Variants in FGF12 observed in about 807,000 individuals in gnomAD.
The protein encoded by FGF12 is fibroblast growth factor 12, also known as fibroblast growth factor 12B.
Under a neutral mutation model 23.6 loss-of-function variants are expected in FGF12, and 14 were observed. The ratio of observed to expected loss-of-function variants is 0.59; its 90% confidence interval spans 0.39 to 0.93. FGF12 has a LOEUF of 0.93. Among genes scored for constraint, FGF12 ranks in the 40% least tolerant of loss-of-function variants. The pLI is 0.00. For synonymous variants in FGF12, 62 were observed against 77.3 expected, an observed-to-expected ratio of 0.80 and a Z score of 1.04; for missense variants, 175 against 217.8, an observed-to-expected ratio of 0.80 and a Z score of 1.24.
At chr3:192,560,276 T>A (rs1711965462) in intron 2 of FGF12, among the ~76,000 whole-genome samples, 1 of 151,434 alleles carries the variant, frequency 6.6e-6, no homozygotes. Context: ...TTGAAAAAAA[T>A]TAAAATCAAT....
chr3:192,193,104 T>C (rs972195996), intron 4 of FGF12, among the ~76,000 whole-genome samples: 1 of 152,176 alleles, frequency 6.6e-6, no homozygotes, highest in African/African-American at 2.4e-5. Context: ...AGCTCACTTC[T>C]TTCAGAGACC....
chr3:192,193,599 T>C (rs1385512729), intron 4 of FGF12, among the ~76,000 whole-genome samples: 1 of 152,162 alleles, frequency 6.6e-6, no homozygotes, highest in Non-Finnish European at 1.5e-5. Context: ...TAGAGTTACT[T>C]TGGTTAAAAA....
chr3:192,590,508 C>G (rs1713571321), intron 2 of FGF12, among the ~76,000 whole-genome samples: 1 of 151,842 alleles, frequency 6.6e-6, no homozygotes. Context: ...CAATATTTTT[C>G]AGCAGAACAA....
intron 2 of FGF12, among the ~76,000 whole-genome samples, chr3:192,440,892 T>C (rs142514619): frequency 1.3e-5 from 2 of 152,304 alleles, no homozygotes; most frequent in East Asian, 3.9e-4. Context: ...TTTACTTACA[T>C]TTTAAAGGAT....
Position 192,454,239 on chromosome 3 carries a change from C to T in FGF12, c.14-93701G>A, listed in dbSNP as rs540622099. 3.0e-4 allele frequency among the ~76,000 whole-genome samples: 46 copies of T among 152,148 alleles called. No individual in the cohort carries two copies. In the South Asian group the frequency reaches 9.1e-3, roughly 30 times the overall value. On this transcript the variant is annotated intron_variant, in intron 2 of 5. Coordinates refer to ENST00000445105, the MANE Select transcript of FGF12 (RefSeq NM_004113.6). ...TATTTTAGTAGAGATGGGGTCTCAC[C>T]GTGTTAGCCAGAATGGTCTCAATCT...
intron 2 of FGF12, among the ~76,000 whole-genome samples, chr3:192,504,317 G>A (rs1020038693): frequency 3.3e-5 from 5 of 151,944 alleles, no homozygotes; most frequent in African/African-American, 1.2e-4. Context: ...TAACAAACCT[G>A]TACATGTACC....
intron 2 of FGF12, among the ~76,000 whole-genome samples, chr3:192,424,199 A>C (rs1222243735): frequency 6.6e-6 from 1 of 152,164 alleles, no homozygotes; most frequent in Non-Finnish European, 1.5e-5. Flanking sequence ...ATCTATTTTC[A>C]AATAAAACAG....
chr3:192,652,445 T>C (rs71314403), intron 2 of FGF12, among the ~76,000 whole-genome samples: 3,496 of 152,284 alleles, frequency 0.023, 49 homozygotes, highest in Middle Eastern at 0.065. Context: ...CATCGTTTTG[T>C]TCAGAGAAAG....
At chr3:192,720,876 G>T (rs1719018753) in intron 2 of FGF12, among the ~76,000 whole-genome samples, 1 of 152,188 alleles carries the variant, frequency 6.6e-6, no homozygotes, top group Non-Finnish European at 1.5e-5. Flanking sequence ...GGTATTACAG[G>T]ATGTCTGGTG....
chr3:192,659,616 G>A (rs1271980497), intron 2 of FGF12, among the ~76,000 whole-genome samples: 4 of 152,098 alleles, frequency 2.6e-5, no homozygotes. Context: ...CAGCATTAGT[G>A]GATTACCCTT....
At chr3:192,517,927 A>G (rs983364538) in intron 2 of FGF12, among the ~76,000 whole-genome samples, 1 of 152,176 alleles carries the variant, frequency 6.6e-6, no homozygotes, top group African/African-American at 2.4e-5. Context: ...ATATATCAGA[A>G]TTCATTTTTA....
rs1165296665 is a variant in FGF12 at position 192,140,687 on chromosome 3, C to T, written c.*3322G>A. The stretch of plus-strand genomic sequence containing the variant: ...AAGAGTCTTAGTTCTTTTAAACAAG[C>T]TTTCTGAATTAGAATGAGGCCCATA... On this transcript the variant is annotated 3_prime_UTR_variant, in exon 6 of 6. Coordinates refer to ENST00000445105, the MANE Select transcript of FGF12 (RefSeq NM_004113.6). 6.6e-6 allele frequency: 1 copy of T among 151,950 alleles called. No individual in the cohort carries two copies. 9.4% of individuals were successfully genotyped at this position (151,950 alleles called of 1,614,324 possible).
intron 2 of FGF12, among the ~76,000 whole-genome samples, chr3:192,459,549 C>T (rs1722789814): frequency 6.6e-6 from 1 of 152,180 alleles, no homozygotes; most frequent in South Asian, 2.1e-4. Flanking sequence ...TGGCTACATT[C>T]CCATGGGAAC....
intron 2 of FGF12, among the ~76,000 whole-genome samples, chr3:192,598,239 G>A (rs774642284): frequency 5.9e-5 from 9 of 152,084 alleles, no homozygotes; most frequent in Admixed American, 1.3e-4. Context: ...AAATGCCCAC[G>A]CCACCAGTGA....
At chr3:192,486,565 AAAG>A (rs1259414592) in intron 2 of FGF12, among the ~76,000 whole-genome samples, 1 of 152,114 alleles carries the variant, frequency 6.6e-6, no homozygotes, top group Admixed American at 6.6e-5. Flanking sequence ...CTAGGAAGTA[AAAG>A]AAGAATACTG....
At chr3:192,211,412 A>G (rs367821124) in intron 4 of FGF12, among the ~76,000 whole-genome samples, 1 of 152,044 alleles carries the variant, frequency 6.6e-6, no homozygotes, top group East Asian at 1.9e-4. Flanking sequence ...GTGTGATACC[A>G]CAATATTGTG....
chr3:192,270,962 C>T (rs1577304454), intron 4 of FGF12, among the ~76,000 whole-genome samples: 1 of 152,278 alleles, frequency 6.6e-6, no homozygotes, highest in East Asian at 1.9e-4. Flanking sequence ...GTAGGTTTTT[C>T]TTGCCCTTCT....
At chr3:192,506,741 T>C (rs1308823143) in intron 2 of FGF12, among the ~76,000 whole-genome samples, 1 of 152,052 alleles carries the variant, frequency 6.6e-6, no homozygotes, top group Non-Finnish European at 1.5e-5. Context: ...TAGATTCTAT[T>C]TATAATTTGC....
At chr3:192,191,267 T>G (rs1024798114) in intron 4 of FGF12, among the ~76,000 whole-genome samples, 1 of 152,132 alleles carries the variant, frequency 6.6e-6, no homozygotes, top group Non-Finnish European at 1.5e-5. Context: ...TTTAGGGCAG[T>G]GAAGCTACTC....
Sources: allele counts gnomAD v4.1 joint callset (sites outside exome capture counted in the v4.1 genomes callset), GRCh38; gene constraint gnomAD v4.1.1; transcripts MANE v1.5; gene names NCBI Gene and HGNC (gene_info 2026-07-23, HGNC 2026-07-21).